The following ARK2C variants were observed in gnomAD, a reference collection of about 807,000 sequenced individuals.
The protein encoded by ARK2C is arkadia (RNF111) C-terminal like ring finger ubiquitin ligase 2C, also known as E3 ubiquitin-protein ligase ARK2C.
the ARK2C span, among the ~76,000 whole-genome samples, chr18:46,382,659 C>T: frequency 6.6e-6 from 1 of 152,218 alleles, no homozygotes. Context: ...TTGTCCATCT[C>T]CTCTGATGTC....
the ARK2C span, among the ~76,000 whole-genome samples, chr18:46,373,066 G>A: frequency 2.0e-5 from 3 of 152,376 alleles, no homozygotes; most frequent in African/African-American, 7.2e-5. Context: ...ATTGGAGGAT[G>A]TGTCAAAAGG....
chr18:46,346,983 G>A, the ARK2C span, among the ~76,000 whole-genome samples: 1 of 152,238 alleles, frequency 6.6e-6, no homozygotes, highest in Non-Finnish European at 1.5e-5. Flanking sequence ...GGTGGAGAAT[G>A]GGCAACAAGA....
the ARK2C span, among the ~76,000 whole-genome samples, chr18:46,346,866 G>A: frequency 6.6e-6 from 1 of 152,168 alleles, no homozygotes; most frequent in African/African-American, 2.4e-5. Flanking sequence ...GGAAGGGCTG[G>A]GCATATTTCA....
chr18:46,387,404 T>C, the ARK2C span, among the ~76,000 whole-genome samples: 2 of 152,210 alleles, frequency 1.3e-5, no homozygotes, highest in Non-Finnish European at 2.9e-5. Context: ...AGTGCAGGCC[T>C]TTGGGAGTGA....
the ARK2C span, chr18:46,334,663 T>G: frequency 7.5e-6 from 3 of 397,398 alleles, no homozygotes; most frequent in Non-Finnish European, 1.3e-5. The surrounding 1 kb of genome is among the most constrained non-coding windows in gnomAD (Gnocchi z 4.4). Context: ...AGGAGAAAGA[T>G]ACATGACCGT....
the ARK2C span, among the ~76,000 whole-genome samples, chr18:46,383,550 GTTT>G: frequency 3.3e-4 from 32 of 97,888 alleles, no homozygotes; most frequent in Admixed American, 1.9e-3. Flanking sequence ...GGTTTTCTCT[GTTT>G]TTTTTTTTTT....
the ARK2C span, among the ~76,000 whole-genome samples, chr18:46,351,619 C>T: frequency 2.0e-5 from 3 of 152,138 alleles, no homozygotes; most frequent in Non-Finnish European, 4.4e-5. Flanking sequence ...AGGGGCACAT[C>T]AGGGGCTTTA....
At chr18:46,391,810 C>G in the ARK2C span, among the ~76,000 whole-genome samples, 3 of 151,728 alleles carry the variant, frequency 2.0e-5, no homozygotes, top group African/African-American at 7.3e-5. Flanking sequence ...TACACAACCA[C>G]AACACACATA....
chr18:46,430,240 G>A, the ARK2C span, among the ~76,000 whole-genome samples: 2 of 152,154 alleles, frequency 1.3e-5, no homozygotes, highest in African/African-American at 2.4e-5. Context: ...GATAATTCTA[G>A]ATTGGAAATC....
the ARK2C span, among the ~76,000 whole-genome samples, chr18:46,442,915 C>T: frequency 6.6e-5 from 10 of 152,304 alleles, no homozygotes; most frequent in African/African-American, 2.4e-4. Context: ...TTGGTAATAT[C>T]CCTTGGTTCA....
the ARK2C span, among the ~76,000 whole-genome samples, chr18:46,375,013 T>G: frequency 6.6e-6 from 1 of 152,132 alleles, no homozygotes; most frequent in Non-Finnish European, 1.5e-5. Context: ...CCCAGGCCCT[T>G]GTAATAGGTG....
At chr18:46,418,545 A>G in the ARK2C span, among the ~76,000 whole-genome samples, 1 of 152,220 alleles carries the variant, frequency 6.6e-6, no homozygotes, top group Non-Finnish European at 1.5e-5. Context: ...TGAACTAGCC[A>G]TATTTCACAT....
At chr18:46,336,998 A>G in the ARK2C span, 1 of 985,400 alleles carries the variant, frequency 1.0e-6, no homozygotes, top group Non-Finnish European at 1.2e-6. Context: ...TAATTGTTTA[A>G]TTGTACAATG....
the ARK2C span, among the ~76,000 whole-genome samples, chr18:46,396,863 CGTGG>C: frequency 7.9e-5 from 12 of 152,194 alleles, no homozygotes; most frequent in African/African-American, 1.2e-4. Context: ...CTTGGCATGA[CGTGG>C]GTTGGGTGGA....
At chr18:46,382,059 C>T in the ARK2C span, among the ~76,000 whole-genome samples, 1 of 152,198 alleles carries the variant, frequency 6.6e-6, no homozygotes, top group South Asian at 2.1e-4. Context: ...GCTCTCTTCC[C>T]TCCTGCCTCA....
chr18:46,456,379 G>T, the ARK2C span: 1 of 697,282 alleles, frequency 1.4e-6, no homozygotes, highest in Admixed American at 2.3e-5. Flanking sequence ...CTTCCTGGCG[G>T]AGGCTTCATG....
the ARK2C span, among the ~76,000 whole-genome samples, chr18:46,394,720 ACAGCTTT>A: frequency 3.3e-5 from 5 of 152,242 alleles, no homozygotes; most frequent in South Asian, 1.0e-3. Flanking sequence ...CAGGAAACCC[ACAGCTTT>A]CCTTCATGTC....
At chr18:46,357,642 A>G in the ARK2C span, among the ~76,000 whole-genome samples, 2 of 152,158 alleles carry the variant, frequency 1.3e-5, no homozygotes, top group Non-Finnish European at 2.9e-5. Flanking sequence ...ACTGGGCTCG[A>G]GGCCTGGGGC....
chr18:46,442,990 A>G, the ARK2C span, among the ~76,000 whole-genome samples: 12 of 152,162 alleles, frequency 7.9e-5, no homozygotes, highest in Non-Finnish European at 1.6e-4. Flanking sequence ...CTTACGGGGT[A>G]TATCTCTTTC....
Sources: allele counts gnomAD v4.1 joint callset (sites outside exome capture counted in the v4.1 genomes callset), GRCh38; gene constraint gnomAD v4.1.1; non-coding constraint Gnocchi (gnomAD v3.1); transcripts MANE v1.5; gene names NCBI Gene and HGNC (gene_info 2026-07-23, HGNC 2026-07-21).